DMD: variants seen among roughly 807,000 people sequenced by gnomAD.
The protein encoded by DMD is mutant dystrophin.
Under a neutral mutation model 330.1 loss-of-function variants are expected in DMD, and 63 were observed. That is an observed-to-expected ratio of 0.19 (90% confidence interval 0.16 to 0.24). The LOEUF (loss-of-function observed/expected upper bound fraction) is 0.24. DMD is among the 10% of genes least tolerant of loss of function. The pLI, the probability that DMD is intolerant of heterozygous loss-of-function variation, is 1.00. For synonymous variants in DMD, 1,223 were observed against 959.8 expected, an observed-to-expected ratio of 1.27 and a Z score of -5.07; for missense variants, 3,344 against 2,684.1, an observed-to-expected ratio of 1.25 and a Z score of -5.43.
intron 1 of DMD, among the ~76,000 whole-genome samples, chrX:33,197,608 CCAATATCTGTTCTTAATAT>C (rs1405774780): frequency 2.7e-5 from 3 of 111,931 alleles, no homozygotes; most frequent in African/African-American, 9.7e-5. Context: ...CCTCTGGCAA[CCAATATCTGTTCTTAATAT>C]CAATATCTGT....
At chrX:31,982,440 A>G (rs927769931) in intron 44 of DMD, among the ~76,000 whole-genome samples, 2 of 111,458 alleles carry the variant, frequency 1.8e-5, no homozygotes, top group African/African-American at 6.5e-5. Flanking sequence ...TAGTTGGGGA[A>G]CCTACACAGG....
At chrX:32,856,554 C>T (rs2081579333) in intron 2 of DMD, among the ~76,000 whole-genome samples, 1 of 111,675 alleles carries the variant, frequency 9.0e-6, no homozygotes, top group Non-Finnish European at 1.9e-5. Flanking sequence ...GTGAAATAAG[C>T]CAGGCACAAA....
chrX:31,669,993 A>G (rs1456073468), intron 53 of DMD, among the ~76,000 whole-genome samples: 1 of 111,343 alleles, frequency 9.0e-6, no homozygotes, highest in African/African-American at 3.3e-5. Flanking sequence ...TTCTTTCAAC[A>G]CTGCTTTGTA....
chrX:33,243,902 G>A (rs5928210), intron 1 of DMD, among the ~76,000 whole-genome samples: 66,885 of 110,113 alleles, frequency 0.61, 17,216 homozygotes, highest in Non-Finnish European at 0.82. Flanking sequence ...GCATGGGAGG[G>A]GGTTGTATGA....
chrX:32,707,347 C>A (rs1201872287), intron 7 of DMD, among the ~76,000 whole-genome samples: 1 of 111,805 alleles, frequency 8.9e-6, no homozygotes, highest in Non-Finnish European at 1.9e-5. Flanking sequence ...TCCATAAAAG[C>A]CCTCTTCGCT....
chrX:33,103,520 T>C (rs2095258708), intron 1 of DMD, among the ~76,000 whole-genome samples: 1 of 111,002 alleles, frequency 9.0e-6, no homozygotes, highest in Non-Finnish European at 1.9e-5. Context: ...CTGAGCACCT[T>C]GTGACCCCCA....
At chrX:32,034,906 T>G (rs2095929160) in intron 44 of DMD, among the ~76,000 whole-genome samples, 1 of 112,101 alleles carries the variant, frequency 8.9e-6, no homozygotes, top group Non-Finnish European at 1.9e-5. Context: ...TTAATTATCT[T>G]CCTAAGGAAC....
intron 41 of DMD, among the ~76,000 whole-genome samples, chrX:32,327,352 C>G (rs1028660193): frequency 9.0e-6 from 1 of 110,899 alleles, no homozygotes; most frequent in East Asian, 2.8e-4. Context: ...TTTTGGGAAT[C>G]GAGAGGCCTT....
intron 1 of DMD, among the ~76,000 whole-genome samples, chrX:33,178,636 T>C (rs2049806140): frequency 8.9e-6 from 1 of 112,492 alleles, no homozygotes; most frequent in Non-Finnish European, 1.9e-5. Context: ...AAATGTATTA[T>C]TAAATACATT....
At position 32,362,788 on chromosome X, in the gene DMD, C is replaced by A. The variant is rs757321766; in HGVS notation, c.5325G>T (p.Lys1775Asn). The A allele has an allele frequency of 1.9e-5, 23 of 1,208,766 alleles. No homozygotes were observed. The African/African-American group carries it at 3.3e-4, about 18-fold the overall frequency. Residue 1775 changes from lysine to asparagine, a missense_variant and splice_region_variant, in exon 37 of 79, where the codon AAG (lysine) becomes AAT (asparagine). Physicochemically the swap from Lys to Asn is moderately conservative, Grantham distance 94 (BLOSUM62 0). Coordinates refer to ENST00000357033, the MANE Select transcript of DMD (RefSeq NM_004006.3). ...TCCACCTTGGAGTAGATCTTCCTAC[C>A]TTTCCAGTCTTAATTCTGTGTGAAA... ...AAISHRIKTG[K>N]ASIPLKELEQ... is the part of the protein sequence containing the mutation.
chrX:32,144,452 T>A (rs12393555), intron 44 of DMD, among the ~76,000 whole-genome samples: 16,995 of 111,237 alleles, frequency 0.15, 2,088 homozygotes, highest in African/African-American at 0.41. Flanking sequence ...TTGGTAAAAT[T>A]ACTTAAAATC....
Position 32,809,539 on chromosome X carries a change from G to A in DMD, c.603C>T (p.Asn201=), listed in dbSNP as rs750180929. 1.7e-6 allele frequency: 2 copies of A among 1,211,297 alleles called. No individual in the cohort carries two copies. The highest frequency in any genetic ancestry group is 1.8e-5 in the South Asian group (1 of 56,988). Residue 201 remains asparagine, a synonymous_variant, in exon 7 of 79, where the codon AAC becomes AAT. Coordinates refer to ENST00000357033, the MANE Select transcript of DMD (RefSeq NM_004006.3). ...CTATGCCTAATTGATATCTGGCGAT[G>A]TTGAATGCATGTTCCAGTCGTTGTG... is the stretch of plus-strand genomic sequence containing the variant. ...SATQRLEHAF[N]IARYQLGIEK... is the part of the protein sequence containing the mutation.
intron 44 of DMD, among the ~76,000 whole-genome samples, chrX:32,072,918 C>T (rs762951559): frequency 7.2e-5 from 8 of 111,564 alleles, no homozygotes; most frequent in Non-Finnish European, 1.3e-4. Context: ...ACATAGCCTG[C>T]GATGCAGGCA....
At chrX:31,164,636 T>C (rs1484758409) in intron 74 of DMD, among the ~76,000 whole-genome samples, 3 of 111,177 alleles carry the variant, frequency 2.7e-5, no homozygotes, top group African/African-American at 9.8e-5. Context: ...GCTCTAATCA[T>C]CTCTTTCCTG....
chrX:33,101,018 A>C (rs1331478813), intron 1 of DMD, among the ~76,000 whole-genome samples: 1 of 112,168 alleles, frequency 8.9e-6, no homozygotes, highest in Non-Finnish European at 1.9e-5. Context: ...TAGCCATGTG[A>C]CAAGTGTGGG....
At chrX:32,238,451 G>C (rs1040361188) in intron 43 of DMD, among the ~76,000 whole-genome samples, 3 of 87,478 alleles carry the variant, frequency 3.4e-5, no homozygotes, top group African/African-American at 1.2e-4. Flanking sequence ...GCATGAGAGA[G>C]AGAGAGAGAG....
At chrX:32,259,058 T>TA (rs1343866006) in intron 43 of DMD, among the ~76,000 whole-genome samples, 1 of 110,820 alleles carries the variant, frequency 9.0e-6, no homozygotes, top group East Asian at 2.9e-4. Flanking sequence ...GGCTGGAAAC[T>TA]AAAAGCATGT....
chrX:31,654,589 T>C (rs1164245440), intron 54 of DMD, among the ~76,000 whole-genome samples: 2 of 111,999 alleles, frequency 1.8e-5, no homozygotes, highest in East Asian at 5.6e-4. Flanking sequence ...AAAAAAAGAA[T>C]GAGATCATGT....
Position 32,438,248 on chromosome X carries a change from T to C in DMD, c.4064A>G (p.His1355Arg), listed in dbSNP as rs1422809613. 4 of 1,209,440 alleles carry C rather than the reference T, an allele frequency of 3.3e-6. 1 individual carries two copies. The highest frequency in any genetic ancestry group is 4.4e-5 in the Admixed American group (2 of 45,708). The change falls in exon 29 of 79, where the codon CAT becomes CGT. Residue 1355 changes from histidine (H) to arginine (R), a missense_variant. Transcript: ENST00000357033. Reference sequence around the variant, plus strand: ...TTTCACTTATCTTCATACCTCTTCATGTAGTTCCCTCCAACGAGAATTAAA... The same window carrying C: ...TTTCACTTATCTTCATACCTCTTCACGTAGTTCCCTCCAACGAGAATTAAA... ...ETFNSRWRELHEEAVRRQKLL... is the reference protein window; with the variant it reads ...ETFNSRWRELREEAVRRQKLL...
Sources: gnomAD v4.1 joint callset for allele counts (sites outside exome capture counted in the v4.1 genomes callset) on GRCh38, gnomAD v4.1.1 for gene constraint, MANE v1.5 for transcripts, NCBI Gene and HGNC (gene_info 2026-07-23, HGNC 2026-07-21) for gene names.